The following MDGA2 variants were observed in gnomAD, a reference collection of about 807,000 sequenced individuals.
The protein encoded by MDGA2 is MAM domain-containing glycosylphosphatidylinositol anchor protein 2.
MDGA2 carries 40 observed loss-of-function variants against 117.8 expected under a neutral mutation model. The ratio of observed to expected loss-of-function variants is 0.34; its 90% confidence interval spans 0.26 to 0.44. The LOEUF (loss-of-function observed/expected upper bound fraction) is 0.44. Among genes scored for constraint, MDGA2 ranks in the 20% least tolerant of loss-of-function variants. The probability of loss-of-function intolerance (pLI) is 1.00; values close to 1 mark genes in which losing one functional copy is unlikely to be tolerated. For missense variants in MDGA2, 1,123 were observed against 1,250.6 expected (o/e 0.90, Z 1.54); for synonymous variants, 452 against 439.0 (o/e 1.03, Z -0.37).
At chr14:47,359,748 C>CAAAAAAA (rs71448198) in intron 1 of MDGA2, among the ~76,000 whole-genome samples, 34 of 110,574 alleles carry the variant, frequency 3.1e-4, no homozygotes, top group African/African-American at 4.6e-4. Flanking sequence ...AAGACTGTCT[C>CAAAAAAA]AAAAAAAAAA....
At chr14:46,891,304 ATAAT>A (rs1882875245) in intron 10 of MDGA2, among the ~76,000 whole-genome samples, 2 of 151,702 alleles carry the variant, frequency 1.3e-5, no homozygotes, top group Non-Finnish European at 3.0e-5. Context: ...TCTAAATATA[ATAAT>A]TCTAGAAAAA....
chr14:47,196,799 T>C (rs8021814), intron 3 of MDGA2, among the ~76,000 whole-genome samples: 62,875 of 151,906 alleles, frequency 0.41, 13,595 homozygotes, highest in African/African-American at 0.54. Context: ...AGGTAGCCTT[T>C]CAATGCACAC....
At chr14:47,344,757 A>G (rs1278596657) in intron 1 of MDGA2, among the ~76,000 whole-genome samples, 6 of 21,710 alleles carry the variant, frequency 2.8e-4, no homozygotes, top group Admixed American at 1.4e-3. Flanking sequence ...GTTACATGCA[A>G]AAAAAAATAC....
chr14:47,133,129 AC>A (rs1416469501), intron 4 of MDGA2, among the ~76,000 whole-genome samples: 27 of 151,442 alleles, frequency 1.8e-4, no homozygotes, highest in African/African-American at 6.3e-4. Flanking sequence ...AAACAAACAA[AC>A]AAAAAAAAAC....
At chr14:47,119,208 G>A (rs1881518374) in intron 5 of MDGA2, among the ~76,000 whole-genome samples, 1 of 110,096 alleles carries the variant, frequency 9.1e-6, no homozygotes, top group Admixed American at 1.2e-4. Flanking sequence ...TGGGACTACA[G>A]GCACCCGCCA....
chr14:46,844,838 C>A lies in MDGA2; in HGVS notation c.2989+928G>T, dbSNP rs145082430. On this transcript the variant is annotated intron_variant, in intron 16 of 16. Transcript: ENST00000399232. ...GGGGGCTCTTCCCCTATGCTCTTCT[C>A]ATGAAAGTGAGTTTTCACTAGATCT... Among the ~76,000 whole-genome samples the A allele has an allele frequency of 1.1e-4, 17 of 152,166 alleles. No homozygotes were observed. The East Asian group carries it at 2.3e-3, about 21-fold the overall frequency.
intron 1 of MDGA2, among the ~76,000 whole-genome samples, chr14:47,368,997 A>T (rs1325038105): frequency 6.6e-6 from 1 of 152,184 alleles, no homozygotes; most frequent in Non-Finnish European, 1.5e-5. Flanking sequence ...TAAAATGCAG[A>T]ACAATTTTGA....
intron 1 of MDGA2, among the ~76,000 whole-genome samples, chr14:47,424,860 T>C (rs549790567): frequency 3.1e-4 from 47 of 152,202 alleles, no homozygotes; most frequent in African/African-American, 1.1e-3. Flanking sequence ...CAAACAACCA[T>C]CCATAATCTC....
At chr14:47,304,628 A>G (rs925860893) in intron 1 of MDGA2, among the ~76,000 whole-genome samples, 1 of 152,148 alleles carries the variant, frequency 6.6e-6, no homozygotes, top group Non-Finnish European at 1.5e-5. Context: ...AATGATCAAA[A>G]TAGTATTTTG....
intron 6 of MDGA2, among the ~76,000 whole-genome samples, chr14:47,071,081 CATT>C (rs1453993398): frequency 1.3e-5 from 2 of 152,182 alleles, no homozygotes; most frequent in African/African-American, 2.4e-5. Flanking sequence ...TAGTCATGTG[CATT>C]ATTAAAATAG....
At chr14:47,426,146 G>GATAC (rs1206015170) in intron 1 of MDGA2, among the ~76,000 whole-genome samples, 2 of 151,974 alleles carry the variant, frequency 1.3e-5, no homozygotes, top group Non-Finnish European at 2.9e-5. Flanking sequence ...TTTTGGCGGG[G>GATAC]ATACATTCTT....
At chr14:47,099,305 C>A (rs535943312) in intron 5 of MDGA2, among the ~76,000 whole-genome samples, 1 of 151,884 alleles carries the variant, frequency 6.6e-6, no homozygotes, top group African/African-American at 2.4e-5. Context: ...AACTATAAGG[C>A]TTTGCTTAAG....
chr14:47,059,407 A>T, intron 7 of MDGA2: 1 of 903,598 alleles, frequency 1.1e-6, no homozygotes, highest in Non-Finnish European at 1.5e-6. Flanking sequence ...AATTAATGAT[A>T]GTTAGGAAAA....
intron 1 of MDGA2, among the ~76,000 whole-genome samples, chr14:47,496,438 C>T (rs1355267394): frequency 6.6e-6 from 1 of 151,986 alleles, no homozygotes; most frequent in African/African-American, 2.4e-5. Context: ...GAAATGGGGT[C>T]AGGCTATGTT....
intron 1 of MDGA2, among the ~76,000 whole-genome samples, chr14:47,613,985 ATAGAT>A (rs2138911627): frequency 6.6e-6 from 1 of 152,154 alleles, no homozygotes; most frequent in South Asian, 2.1e-4. Context: ...AGAAATTTAT[ATAGAT>A]TATTTAGAAG....
At chr14:46,982,748 G>A (rs1368684306) in intron 8 of MDGA2, among the ~76,000 whole-genome samples, 1 of 135,894 alleles carries the variant, frequency 7.4e-6, no homozygotes, top group Non-Finnish European at 1.6e-5. Context: ...CATGTCATCT[G>A]CAACCAGGGA....
chr14:47,465,801 T>C (rs551028397), intron 1 of MDGA2, among the ~76,000 whole-genome samples: 14 of 152,230 alleles, frequency 9.2e-5, no homozygotes, highest in African/African-American at 3.4e-4. Flanking sequence ...AGCAGCATTA[T>C]CATTTGATCC....
In MDGA2 at chr14:46,903,163, G is replaced by A. The variant is rs527715458; in HGVS notation, c.2238+16849C>T. Among the ~76,000 whole-genome samples the A allele has an allele frequency of 7.9e-5, 12 of 151,980 alleles. 1 individual carries two copies. The highest frequency in any genetic ancestry group is 2.4e-4 in the African/African-American group (10 of 41,458). ...GTTGTTGTTTTGTTTTTTTCTTTTCGTCCAATAAATTCCGTTCCTGTCACC... is the reference window on the plus strand; with the variant it reads ...GTTGTTGTTTTGTTTTTTTCTTTTCATCCAATAAATTCCGTTCCTGTCACC... On this transcript the variant is annotated intron_variant, in intron 10 of 16. Coordinates refer to ENST00000399232, the MANE Select transcript of MDGA2 (RefSeq NM_001113498.3).
At chr14:47,105,313 G>A (rs1227539697) in intron 5 of MDGA2, among the ~76,000 whole-genome samples, 1 of 151,596 alleles carries the variant, frequency 6.6e-6, no homozygotes, top group African/African-American at 2.4e-5. Context: ...TTATCTCTGT[G>A]CCCCAATCCC....
Sources: gnomAD v4.1 joint callset for allele counts (sites outside exome capture counted in the v4.1 genomes callset) on GRCh38, gnomAD v4.1.1 for gene constraint, MANE v1.5 for transcripts, NCBI Gene and HGNC (gene_info 2026-07-23, HGNC 2026-07-21) for gene names.